SMG6: variants seen among roughly 807,000 people sequenced by gnomAD.
SMG6 encodes SMG6 nonsense mediated mRNA decay factor.
SMG6 carries 66 observed loss-of-function variants against 142.2 expected under a neutral mutation model. The observed-to-expected ratio is 0.46, with a 90% confidence interval of 0.38 to 0.57. The LOEUF (loss-of-function observed/expected upper bound fraction) is 0.57. Ranked by LOEUF, SMG6 falls within the 20% of genes least tolerant of loss-of-function variation. The pLI is 0.00. For synonymous variants in SMG6, 779 were observed against 702.4 expected, an observed-to-expected ratio of 1.11 and a Z score of -1.72; for missense variants, 1,793 against 1,832.0, an observed-to-expected ratio of 0.98 and a Z score of 0.39.
intron 13 of SMG6, among the ~76,000 whole-genome samples, chr17:2,164,964 C>T (rs1222507302): frequency 6.6e-6 from 1 of 151,978 alleles, no homozygotes; most frequent in East Asian, 1.9e-4. Context: ...TCCTTGATGA[C>T]ATCTGCAAAG....
At position 2,259,276 on chromosome 17, in the gene SMG6, C is replaced by A. The variant is rs575011350; in HGVS notation, c.2662-14557G>T. On this transcript the variant is annotated intron_variant, in intron 8 of 18. Coordinates refer to ENST00000263073, the MANE Select transcript of SMG6 (RefSeq NM_017575.5). The stretch of plus-strand genomic sequence containing the variant: ...GTAAATACTTCCAGTCCAGACAATA[C>A]CATGCAAGTTGGCAGAAGCATGTAA... Among the ~76,000 whole-genome samples, 11 of 151,688 alleles carry A rather than the reference C, an allele frequency of 7.3e-5. No homozygotes were observed. The East Asian group carries it at 2.1e-3, about 29-fold the overall frequency.
intron 4 of SMG6, 61 bp from the exon 5 acceptor site, chr17:2,293,038 G>A: frequency 8.7e-7 from 1 of 1,155,740 alleles, no homozygotes; most frequent in Admixed American, 1.7e-5. Flanking sequence ...ACCCTCAAAG[G>A]ACAGGGATGG....
At position 2,299,919 on chromosome 17, in the gene SMG6, A is replaced by C. The variant is rs769194525; in HGVS notation, c.834T>G (p.Cys278Trp). The C allele has an allele frequency of 1.2e-6, 2 of 1,614,102 alleles. No homozygotes were observed. The highest frequency in any genetic ancestry group is 3.3e-5 in the Admixed American group (2 of 60,012). ...TGGTCCTATCCTGTCGGCGGCGGCGACATCCATTATCCGTCAGGCCAGCTC... is the reference window on the plus strand; with the variant it reads ...TGGTCCTATCCTGTCGGCGGCGGCGCCATCCATTATCCGTCAGGCCAGCTC... Reference protein sequence around the residue: ...AEGAGLTDNGCRRRRQDRTKE... With the variant: ...AEGAGLTDNGWRRRRQDRTKE... Residue 278 changes from cysteine to tryptophan, a missense_variant, in exon 2 of 19, where the codon TGT becomes TGG. Physicochemically the swap from Cys to Trp is radical, Grantham distance 215. Transcript: ENST00000263073. This position sits in a 1 kb window ranked among gnomAD's most constrained non-coding sequence, Gnocchi z 4.3.
chr17:2,255,495 T>C (rs918695526), intron 8 of SMG6, among the ~76,000 whole-genome samples: 1 of 151,466 alleles, frequency 6.6e-6, no homozygotes, highest in Non-Finnish European at 1.5e-5. Context: ...CAAACCTGTA[T>C]TTGTAAAGGT....
At chr17:2,286,001 AAGAC>A (rs2074896859) in intron 6 of SMG6, among the ~76,000 whole-genome samples, 2 of 152,170 alleles carry the variant, frequency 1.3e-5, no homozygotes, top group South Asian at 2.1e-4. Flanking sequence ...AATAGAGAGA[AAGAC>A]AGAGAAAAAA....
At chr17:2,296,470 C>T (rs980500623) in intron 4 of SMG6, among the ~76,000 whole-genome samples, 3 of 152,172 alleles carry the variant, frequency 2.0e-5, no homozygotes, top group African/African-American at 7.2e-5. Context: ...GCCCCCAGGC[C>T]GCGGACTGGT....
chr17:2,087,646 T>TG (rs1427062765), intron 13 of SMG6: 1 of 996,976 alleles, frequency 1.0e-6, no homozygotes, highest in African/African-American at 1.7e-5. Flanking sequence ...AAGCTTGTCT[T>TG]GGCCCAGGGC....
intron 13 of SMG6, among the ~76,000 whole-genome samples, chr17:2,122,100 C>A (rs918000062): frequency 6.6e-6 from 1 of 151,644 alleles, no homozygotes; most frequent in African/African-American, 2.4e-5. Flanking sequence ...TCCCAAAGTG[C>A]TAGGATTATA....
At chr17:2,128,881 AAAAG>A (rs965872874) in intron 13 of SMG6, among the ~76,000 whole-genome samples, 37 of 152,022 alleles carry the variant, frequency 2.4e-4, no homozygotes, top group Admixed American at 5.9e-4. Flanking sequence ...AAAAGACAGA[AAAAG>A]AAAGAAAGAA....
chr17:2,278,105 A>G (rs984149553), intron 8 of SMG6, among the ~76,000 whole-genome samples: 1 of 152,180 alleles, frequency 6.6e-6, no homozygotes, highest in Admixed American at 6.6e-5. Context: ...ATACACGTAT[A>G]CACTTATAAA....
chr17:2,080,341 C>T (rs1349128744), intron 15 of SMG6, among the ~76,000 whole-genome samples: 2 of 152,044 alleles, frequency 1.3e-5, no homozygotes, highest in Middle Eastern at 3.2e-3. Context: ...TCGCTGGAAC[C>T]CGGGAGGTGG....
At chr17:2,116,196 G>C (rs866130950) in intron 13 of SMG6, among the ~76,000 whole-genome samples, 5 of 151,962 alleles carry the variant, frequency 3.3e-5, no homozygotes, top group Non-Finnish European at 7.4e-5. Flanking sequence ...TCAGCCTCTT[G>C]AGTAGTTGGT....
intron 13 of SMG6, among the ~76,000 whole-genome samples, chr17:2,146,685 C>T (rs1251807517): frequency 6.6e-6 from 1 of 152,142 alleles, no homozygotes; most frequent in East Asian, 1.9e-4. Flanking sequence ...CCCACTTCAG[C>T]CTCCCAGGTA....
At position 2,172,697 on chromosome 17, in the gene SMG6, G is replaced by T; in HGVS notation, c.3318C>A (p.Ala1106=). Reference sequence around the variant, plus strand: ...TCTCCACGTAGCAGGGGTCCTGAGGGGCAGCCAGCAAGGGGACAAAGCCCG... The same window carrying T: ...TCTCCACGTAGCAGGGGTCCTGAGGTGCAGCCAGCAAGGGGACAAAGCCCG... ...LLSGFVPLLA[A]PQDPCYVEKT... Residue 1106 remains alanine, a synonymous_variant, in exon 13 of 19, where the codon GCC becomes GCA. Transcript: ENST00000263073. 1 of 1,613,892 alleles carries T rather than the reference G, an allele frequency of 6.2e-7. No individual in the cohort carries two copies. Among genetic ancestry groups the T allele is most frequent in the Non-Finnish European group, 8.5e-7 (1 of 1,180,012 alleles).
intron 14 of SMG6, among the ~76,000 whole-genome samples, chr17:2,084,406 C>T (rs1248924605): frequency 3.9e-5 from 6 of 152,192 alleles, no homozygotes. Context: ...GTCTGGAATC[C>T]TAGGCTCAGC....
chr17:2,283,955 C>T (rs1208785683), intron 6 of SMG6, among the ~76,000 whole-genome samples: 1 of 152,158 alleles, frequency 6.6e-6, no homozygotes, highest in Non-Finnish European at 1.5e-5. Context: ...AGAGGTGCTC[C>T]AAGAACCAAG....
intron 13 of SMG6, among the ~76,000 whole-genome samples, chr17:2,151,426 CTG>C (rs1269337860): frequency 4.6e-5 from 7 of 152,148 alleles, no homozygotes; most frequent in African/African-American, 7.2e-5. Context: ...ATGCAAATAA[CTG>C]AGATTCACGA....
rs755424929 is a variant in SMG6 at position 2,065,166 on chromosome 17, C to A, written c.4048-12G>T. 6.2e-7 allele frequency: 1 copy of A among 1,608,318 alleles called. No individual in the cohort carries two copies. The highest frequency in any genetic ancestry group is 2.2e-5 in the East Asian group (1 of 44,852). On this transcript the variant is annotated splice_polypyrimidine_tract_variant and intron_variant, in intron 17 of 18. Coordinates refer to ENST00000263073, the MANE Select transcript of SMG6 (RefSeq NM_017575.5). Reference sequence around the variant, plus strand: ...TCATCGTTGTTACCCTGGAGGAAGACGTGTGTGAGAAGCACCACTGGGCAG... The same window carrying A: ...TCATCGTTGTTACCCTGGAGGAAGAAGTGTGTGAGAAGCACCACTGGGCAG...
intron 10 of SMG6, among the ~76,000 whole-genome samples, chr17:2,227,860 G>A (rs1444389560): frequency 1.3e-5 from 2 of 152,070 alleles, no homozygotes; most frequent in Admixed American, 6.6e-5. Flanking sequence ...CAACCGAAAT[G>A]CCCATCAATG....
Sources: gnomAD v4.1 joint callset for allele counts (sites outside exome capture counted in the v4.1 genomes callset) on GRCh38, gnomAD v4.1.1 for gene constraint, Gnocchi (gnomAD v3.1) non-coding constraint, MANE v1.5 for transcripts, NCBI Gene and HGNC (gene_info 2026-07-23, HGNC 2026-07-21) for gene names.